Variants in ATAT1 observed in about 807,000 individuals in gnomAD.
ATAT1 encodes alpha tubulin acetyltransferase 1, also known as alpha-tubulin N-acetyltransferase 1.
A neutral mutation model predicts 57.2 loss-of-function variants in ATAT1; 42 were observed. That is an observed-to-expected ratio of 0.73 (90% CI 0.57 to 0.95). ATAT1 has a LOEUF of 0.95. Among genes scored for constraint, ATAT1 ranks in the 40% least tolerant of loss-of-function variants. The probability of loss-of-function intolerance (pLI) is 0.00; values close to 1 mark genes in which losing one functional copy is unlikely to be tolerated. For synonymous variants in ATAT1, 168 were observed against 187.1 expected (o/e 0.90, Z 0.83); for missense variants, 454 against 523.7 (o/e 0.87, Z 1.30).
intron 6 of ATAT1, chr6:30,634,047 C>T (rs1763475750): frequency 6.3e-6 from 1 of 157,656 alleles, no homozygotes; most frequent in African/African-American, 2.4e-5. Context: ...ACATGGTTGC[C>T]CTCGAGAGGC....
At chr6:30,633,565 T>G (rs1467706478) in intron 6 of ATAT1, 1 of 167,712 alleles carries the variant, frequency 6.0e-6, no homozygotes, top group Admixed American at 6.5e-5. Context: ...GGCAGCTTAA[T>G]CGACATAGTC....
chr6:30,642,834 C>CGGGGGGG lies in ATAT1; in HGVS notation c.755_756insGGGGGGG (p.His253GlyfsTer49). On this transcript the variant is annotated frameshift_variant, in exon 10 of 13. Coordinates refer to ENST00000330083, the MANE Select transcript of ATAT1 (RefSeq NM_001031722.4). LOFTEE classifies it high-confidence loss of function. ...GCCCCTCGCCGCGCCACACCTCCAG[C>CGGGGGGG]CCACCCACCCCCCCGCTCCAGCAGC... The CGGGGGGG allele has an allele frequency of 4.8e-6, 2 of 415,884 alleles. No homozygotes were observed. The highest frequency in any genetic ancestry group is 7.9e-6 in the Non-Finnish European group (2 of 251,604). The allele number at this position is 415,884 out of a possible 1,614,324, so 25.8% of individuals were successfully genotyped here. A position where few individuals can be genotyped will look rare whatever the true frequency, so the allele number is the denominator to read the frequency against.
intron 10 of ATAT1, chr6:30,644,020 C>T: frequency 2.0e-6 from 2 of 995,774 alleles, no homozygotes; most frequent in Non-Finnish European, 2.4e-6. Flanking sequence ...TTTGTGCTGC[C>T]TGCCACACTT....
chr6:30,643,292 C>T, intron 10 of ATAT1: 1 of 1,417,030 alleles, frequency 7.1e-7, no homozygotes, highest in African/African-American at 1.4e-5. Flanking sequence ...GTTGGGGGAA[C>T]AGAGCCTTCT....
chr6:30,628,312 T>A lies in ATAT1; in HGVS notation c.400-17T>A, dbSNP rs558729169. The A allele has an allele frequency of 1.3e-4, 212 of 1,609,546 alleles. 5 individuals are homozygous for A. In the South Asian group the frequency reaches 2.1e-3, roughly 16 times the overall value. On this transcript the variant is annotated splice_polypyrimidine_tract_variant and intron_variant, in intron 5 of 12. Coordinates refer to ENST00000330083, the MANE Select transcript of ATAT1 (RefSeq NM_001031722.4). ...TCCCCATACTTCCTCCTACCCTGAG[T>A]CTCCTTTTCCCTGCAGAAGGAGCGA...
chr6:30,643,078 C>A, intron 10 of ATAT1, 67 bp downstream of exon 10: 1 of 1,535,738 alleles, frequency 6.5e-7, no homozygotes, highest in Non-Finnish European at 8.8e-7. Flanking sequence ...TGGCAAAGGG[C>A]AATTTGAATC....
chr6:30,639,462 G>A (rs1764903412), intron 6 of ATAT1, among the ~76,000 whole-genome samples: 1 of 149,764 alleles, frequency 6.7e-6, no homozygotes, highest in South Asian at 2.1e-4. Flanking sequence ...TCTGTAGATT[G>A]TCTTTTCACT....
At chr6:30,637,783 C>T (rs1245370649) in intron 6 of ATAT1, among the ~76,000 whole-genome samples, 1 of 151,970 alleles carries the variant, frequency 6.6e-6, no homozygotes, top group Non-Finnish European at 1.5e-5. Context: ...CAAGACCATC[C>T]TGGCCAACAT....
Position 30,642,227 on chromosome 6 carries a change from ACTC to A in ATAT1, c.672_674del (p.Ser226del). 1 of 1,613,664 alleles carries A rather than the reference ACTC, an allele frequency of 6.2e-7. No individual in the cohort carries two copies. Among genetic ancestry groups the A allele is most frequent in the Non-Finnish European group, 8.5e-7 (1 of 1,179,932 alleles). The stretch of plus-strand genomic sequence containing the variant: ...AGAGCAGAGGGAGACATCAAGCCAT[ACTC>A]CTCTAGTGACCGAGAATGTAAGAGG... On this transcript the variant is annotated inframe_deletion, in exon 9 of 13. Transcript: ENST00000330083.
chr6:30,642,728 CTTCT>C, intron 9 of ATAT1, 36 bp from the exon 10 acceptor site: 1 of 1,288,442 alleles, frequency 7.8e-7, no homozygotes, highest in South Asian at 1.2e-5. Context: ...TTCCTTTTTT[CTTCT>C]TTTTCTGTCT....
chr6:30,640,627 G>T (rs1404981395), intron 8 of ATAT1, 24 bp downstream of exon 8: 1 of 1,610,892 alleles, frequency 6.2e-7, no homozygotes, highest in Non-Finnish European at 8.5e-7. Context: ...TGAAGGGGTG[G>T]AACTGTAGTG....
rs201098693 is a variant in ATAT1, at chr6:30,631,603, AC to A, written c.501+3177del. Among the ~76,000 whole-genome samples, 1,423 of 150,974 alleles carry A rather than the reference AC, an allele frequency of 9.4e-3. 8 individuals are homozygous for A. Among genetic ancestry groups the A allele is most frequent in the Middle Eastern group, 0.035 (10 of 288 alleles). Reference sequence around the variant, plus strand: ...AGACTAGCCTAGGCAACATGGTGAAACCCCATCTCTACAAAAAACACAAAAA... The same window carrying A: ...AGACTAGCCTAGGCAACATGGTGAAACCCATCTCTACAAAAAACACAAAAA... On this transcript the variant is annotated intron_variant, in intron 6 of 12. Transcript: ENST00000330083.
Position 30,646,575 on chromosome 6 carries a change from G to C in ATAT1, c.1162G>C (p.Gly388Arg). The change falls in exon 13 of 13, where the codon GGT becomes CGT. Residue 388 changes from glycine to arginine, a missense_variant. Coordinates refer to ENST00000330083, the MANE Select transcript of ATAT1 (RefSeq NM_001031722.4). ...CCCGCCAGCCCAGTCCTGGACAGTG[G>C]GTGGGGACATACTCAACGCCAGGTT... is the stretch of plus-strand genomic sequence containing the variant. 1.3e-6 allele frequency: 2 copies of C among 1,580,446 alleles called. No individual in the cohort carries two copies.
intron 8 of ATAT1, chr6:30,641,699 G>A (rs1395595388): frequency 9.9e-6 from 8 of 809,930 alleles, no homozygotes; most frequent in Non-Finnish European, 1.2e-5. Flanking sequence ...TTTCGTATAG[G>A]AAGGAGAGAT....
intron 6 of ATAT1, among the ~76,000 whole-genome samples, chr6:30,637,666 G>A (rs1172999678): frequency 2.0e-5 from 3 of 150,630 alleles, no homozygotes; most frequent in African/African-American, 7.3e-5. Context: ...ATGGGCAACA[G>A]AGTGAGATTC....
Position 30,626,942 on chromosome 6 carries a change from C to G in ATAT1, c.-262C>G. 1 of 1,609,152 alleles carries G rather than the reference C, an allele frequency of 6.2e-7. No homozygotes were observed. On this transcript the variant is annotated 5_prime_UTR_variant, in exon 1 of 13. Coordinates refer to ENST00000330083, the MANE Select transcript of ATAT1 (RefSeq NM_001031722.4). ...TCCCGGAGCGGATCACGGTGCTGGA[C>G]CAGCACCTGAGGCCCCCAGCCCGCC...
intron 8 of ATAT1, 111 bp downstream of exon 8, chr6:30,640,714 C>A: frequency 8.1e-7 from 1 of 1,238,960 alleles, no homozygotes; most frequent in Non-Finnish European, 1.1e-6. Context: ...CTAAAGCAAC[C>A]CAAGTCTCCA....
intron 6 of ATAT1, among the ~76,000 whole-genome samples, chr6:30,628,666 G>A (rs139029523): frequency 0.01 from 1,547 of 151,572 alleles, 24 homozygotes; most frequent in African/African-American, 0.035. Flanking sequence ...GTACAGTGGC[G>A]CAATCTCAGC....
At chr6:30,645,188 T>A (rs922022147) in intron 10 of ATAT1, among the ~76,000 whole-genome samples, 7 of 151,936 alleles carry the variant, frequency 4.6e-5, no homozygotes, top group African/African-American at 1.7e-4. Context: ...TTCAGCCTTG[T>A]CACTTCCTAT....
Sources: gnomAD v4.1 joint callset for allele counts (sites outside exome capture counted in the v4.1 genomes callset) on GRCh38, gnomAD v4.1.1 for gene constraint, MANE v1.5 for transcripts, NCBI Gene and HGNC (gene_info 2026-07-23, HGNC 2026-07-21) for gene names.